The following TMEM145 variants were observed in gnomAD, a reference collection of about 807,000 sequenced individuals.
The protein encoded by TMEM145 is transmembrane protein 145.
Under a neutral mutation model 68.5 loss-of-function variants are expected in TMEM145, and 46 were observed. The ratio of observed to expected loss-of-function variants is 0.67; its 90% confidence interval spans 0.53 to 0.86. The LOEUF (loss-of-function observed/expected upper bound fraction) is 0.86, where lower values mean the gene tolerates loss of function less well. TMEM145 is among the 40% of genes least tolerant of loss of function. The pLI, the probability that TMEM145 is intolerant of heterozygous loss-of-function variation, is 0.00. For missense variants in TMEM145, 570 were observed against 645.8 expected (o/e 0.88, Z 1.27); for synonymous variants, 255 against 280.2 (o/e 0.91, Z 0.90).
chr19:42,313,445 GC>G lies in TMEM145; in HGVS notation c.76del (p.Arg26AlafsTer20), dbSNP rs1245316407. 4.4e-5 allele frequency: 61 copies of G among 1,371,346 alleles called. No homozygotes were observed. Among genetic ancestry groups the G allele is most frequent in the South Asian group, 2.6e-4 (15 of 56,668 alleles). The allele number at this position is 1,371,346 out of a possible 1,614,324, so 84.9% of individuals were successfully genotyped here. ...CGCTGCTGCTCCTGCTGCTGTCACT[GC>G]CCCCCCGCGCCCGGGCCAAGTACGT... ...PPLLLLLLSLPPRARAKYVRG... is the reference protein window; with the variant it reads ...PPLLLLLLSLXPRARAKYVRG... On this transcript the variant is annotated frameshift_variant, in exon 1 of 15. Coordinates refer to ENST00000301204, the MANE Select transcript of TMEM145 (RefSeq NM_173633.3). LOFTEE classifies it high-confidence loss of function. The surrounding 1 kb of genome is among the most constrained non-coding windows in gnomAD (Gnocchi z 5.1).
In TMEM145 at chr19:42,315,087, T is replaced by C; in HGVS notation, c.505+10T>C. 1 of 1,614,168 alleles carries C rather than the reference T, an allele frequency of 6.2e-7. No individual in the cohort carries two copies. Among genetic ancestry groups the C allele is most frequent in the Non-Finnish European group, 8.5e-7 (1 of 1,180,028 alleles). ...TCCGCTGATGAGTTTGGTGAGCACG[T>C]GGGGACCTAGAAACCAGGCTCTCTG... On this transcript the variant is annotated intron_variant, in intron 6 of 14. Transcript: ENST00000301204.
intron 14 of TMEM145, 136 bp downstream of exon 14, chr19:42,323,925 C>A (rs1247959441): frequency 1.3e-6 from 1 of 767,582 alleles, no homozygotes; most frequent in Non-Finnish European, 2.0e-6. Context: ...TCCCCGCGCC[C>A]CAACACCGCG....
chr19:42,319,500 G>A (rs775321853), intron 12 of TMEM145, among the ~76,000 whole-genome samples: 1 of 152,166 alleles, frequency 6.6e-6, no homozygotes, highest in Non-Finnish European at 1.5e-5. Flanking sequence ...AGGCTGGAGT[G>A]CAGTGGCACG....
chr19:42,315,150 C>G, intron 6 of TMEM145, 38 bp from the exon 7 acceptor site: 1 of 1,614,092 alleles, frequency 6.2e-7, no homozygotes, highest in South Asian at 1.1e-5. Context: ...AGGGGACATC[C>G]ACCTGAATGA....
At chr19:42,324,547 C>G in intron 14 of TMEM145, 190 bp from the exon 15 acceptor site, 3 of 985,234 alleles carry the variant, frequency 3.0e-6, no homozygotes, top group Non-Finnish European at 1.2e-6. Context: ...CCGCCCCTGC[C>G]CCATGGGCCA....
intron 14 of TMEM145, chr19:42,324,214 C>A (rs1362854203): frequency 2.1e-6 from 2 of 974,658 alleles, no homozygotes; most frequent in Middle Eastern, 5.2e-4. Flanking sequence ...GGGGGACGGG[C>A]CTTCGGGGCC....
chr19:42,314,641 G>C lies in TMEM145; in HGVS notation c.302G>C (p.Arg101Pro), dbSNP rs775934464. The change falls in exon 4 of 15, where the codon CGG becomes CCG. Residue 101 changes from arginine to proline, a missense_variant. By Grantham distance (103) the Arg-to-Pro change is moderately radical (BLOSUM62 -2). Transcript: ENST00000301204. ...TGCCTGGCCAAGGAGTCAGTGATCC[G>C]GCCGGAGAACAACCAGGTCATCAAC... ...KDCLAKESVI[R>P]PENNQVINLT... is the part of the protein sequence containing the mutation. The C allele has an allele frequency of 8.1e-6, 13 of 1,614,158 alleles. No individual in the cohort carries two copies. The Admixed American group carries it at 1.7e-4, about 21-fold the overall frequency.
chr19:42,320,475 C>A, intron 13 of TMEM145, 38 bp downstream of exon 13: 1 of 1,612,218 alleles, frequency 6.2e-7, no homozygotes, highest in South Asian at 1.1e-5. Context: ...AGGGGAGGAC[C>A]CGAGGGCAGA....
intron 11 of TMEM145, 31 bp downstream of exon 11, chr19:42,316,994 GC>G: frequency 6.3e-7 from 1 of 1,594,976 alleles, no homozygotes; most frequent in Non-Finnish European, 8.6e-7. Context: ...GCCGGGCCCT[GC>G]CTTCCCCTGC....
Position 42,313,349 on chromosome 19 carries a change from G to C in TMEM145, c.-28G>C. On this transcript the variant is annotated 5_prime_UTR_variant, in exon 1 of 15. Transcript: ENST00000301204. This position sits in a 1 kb window ranked among gnomAD's most constrained non-coding sequence, Gnocchi z 5.1. ...CATTGCCGGGCCAGTGCGGGAGCCGGAGCGGAGCCGGGGCCGGAGCGGGCG... is the reference window on the plus strand; with the variant it reads ...CATTGCCGGGCCAGTGCGGGAGCCGCAGCGGAGCCGGGGCCGGAGCGGGCG... 1 of 954,326 alleles carries C rather than the reference G, an allele frequency of 1.0e-6. No homozygotes were observed. The highest frequency in any genetic ancestry group is 1.4e-6 in the Non-Finnish European group (1 of 728,420). 59.1% of individuals were successfully genotyped at this position (954,326 alleles called of 1,614,324 possible).
At chr19:42,315,742 C>T (rs915011617) in intron 8 of TMEM145, among the ~76,000 whole-genome samples, 8 of 150,560 alleles carry the variant, frequency 5.3e-5, no homozygotes, top group South Asian at 2.1e-4. Flanking sequence ...GTATAAAGGC[C>T]GGAACTAGGC....
At position 42,321,100 on chromosome 19, in the gene TMEM145, C is replaced by T. The variant is rs533031316; in HGVS notation, c.1194+663C>T. On this transcript the variant is annotated intron_variant, in intron 13 of 14. Coordinates refer to ENST00000301204, the MANE Select transcript of TMEM145 (RefSeq NM_173633.3). ...GCCTTCCCCACCCTCCTTGATCTCT[C>T]CACTCTCCCCCTGCCCCTGCCCAAA... is the stretch of plus-strand genomic sequence containing the variant. 3 of 398,950 alleles carry T rather than the reference C, an allele frequency of 7.5e-6. No homozygotes were observed. The South Asian group carries it at 3.8e-4, about 51-fold the overall frequency. The allele number at this position is 398,950 out of a possible 1,614,324, so 24.7% of individuals were successfully genotyped here. A position where few individuals can be genotyped will look rare whatever the true frequency, so the allele number is the denominator to read the frequency against.
intron 13 of TMEM145, among the ~76,000 whole-genome samples, chr19:42,322,423 A>G (rs2038919605): frequency 6.6e-6 from 1 of 152,200 alleles, no homozygotes; most frequent in Non-Finnish European, 1.5e-5. Flanking sequence ...GGCGGGATGC[A>G]GGCTCAGAAC....
chr19:42,314,149 C>A (rs2038830372), intron 1 of TMEM145, 123 bp from the exon 2 acceptor site: 16 of 972,748 alleles, frequency 1.6e-5, no homozygotes, highest in Middle Eastern at 2.8e-4. Context: ...TGGAGGTGAC[C>A]TGGTCTCCTT....
intron 14 of TMEM145, 62 bp downstream of exon 14, chr19:42,323,851 C>T: frequency 6.7e-7 from 1 of 1,481,552 alleles, no homozygotes; most frequent in Non-Finnish European, 9.3e-7. Flanking sequence ...TACCTGACCC[C>T]GCTCCCGGCC....
chr19:42,318,940 C>T (rs1327491022), intron 12 of TMEM145, among the ~76,000 whole-genome samples: 1 of 151,954 alleles, frequency 6.6e-6, no homozygotes, highest in Admixed American at 6.6e-5. Flanking sequence ...AAAAATTAGC[C>T]AGGCATGGTG....
chr19:42,314,405 G>C (rs753588304), intron 2 of TMEM145, 46 bp from the exon 3 acceptor site: 1 of 1,613,818 alleles, frequency 6.2e-7, no homozygotes, highest in Admixed American at 1.7e-5. Context: ...GCCTCCAAAG[G>C]CACAGGCTGC....
chr19:42,314,129 G>A (rs2038830202), intron 1 of TMEM145, 143 bp from the exon 2 acceptor site: 1 of 807,882 alleles, frequency 1.2e-6, no homozygotes. Flanking sequence ...ACGGGATCAG[G>A]GAAGGAGTTT....
chr19:42,317,981 C>A, intron 12 of TMEM145, 100 bp downstream of exon 12: 2 of 1,327,132 alleles, frequency 1.5e-6, no homozygotes, highest in Non-Finnish European at 2.1e-6. Context: ...GGGAGATGGA[C>A]TTTTCACTCA....
Sources: gnomAD v4.1 joint callset for allele counts (sites outside exome capture counted in the v4.1 genomes callset) on GRCh38, gnomAD v4.1.1 for gene constraint, Gnocchi (gnomAD v3.1) non-coding constraint, MANE v1.5 for transcripts, NCBI Gene and HGNC (gene_info 2026-07-23, HGNC 2026-07-21) for gene names.